Variants in KDM4C observed in about 807,000 individuals in gnomAD.
The protein encoded by KDM4C is lysine-specific demethylase 4C.
KDM4C carries 81 observed loss-of-function variants against 129.3 expected under a neutral mutation model. That is an observed-to-expected ratio of 0.63 (90% CI 0.52 to 0.75). The LOEUF (loss-of-function observed/expected upper bound fraction) is 0.75, where lower values mean the gene tolerates loss of function less well. Ranked by LOEUF, KDM4C falls within the 30% of genes least tolerant of loss-of-function variation. KDM4C has a pLI of 0.00. For synonymous variants in KDM4C, 573 were observed against 456.1 expected (o/e 1.26, Z -3.26); for missense variants, 1,457 against 1,304.0 (o/e 1.12, Z -1.81).
chr9:7,129,299 G>C (rs1840362805), intron 19 of KDM4C, among the ~76,000 whole-genome samples: 1 of 152,178 alleles, frequency 6.6e-6, no homozygotes, highest in Non-Finnish European at 1.5e-5. Context: ...GATTCAGTTA[G>C]TTTTGTTATA....
chr9:7,009,596 C>A, intron 12 of KDM4C, among the ~76,000 whole-genome samples: 1 of 152,152 alleles, frequency 6.6e-6, no homozygotes, highest in Non-Finnish European at 1.5e-5. Flanking sequence ...TGCCTTGATT[C>A]ATGCTGAGAC....
At chr9:6,920,814 A>G (rs148035851) in intron 8 of KDM4C, among the ~76,000 whole-genome samples, 3 of 152,210 alleles carry the variant, frequency 2.0e-5, no homozygotes, top group African/African-American at 7.2e-5. Flanking sequence ...AGGTAAAGGA[A>G]CTACTTCACC....
At chr9:6,817,763 CTTTTT>C (rs146833868) in intron 4 of KDM4C, among the ~76,000 whole-genome samples, 1 of 105,092 alleles carries the variant, frequency 9.5e-6, no homozygotes, top group Admixed American at 1.1e-4. Flanking sequence ...CAGGAATAAC[CTTTTT>C]TTTTTTTTTT....
chr9:7,109,156 T>C (rs1306637010), intron 18 of KDM4C, among the ~76,000 whole-genome samples: 1 of 152,214 alleles, frequency 6.6e-6, no homozygotes, highest in Non-Finnish European at 1.5e-5. Flanking sequence ...TATGCAGTGG[T>C]ATGTGTGTAG....
chr9:6,740,370 A>AT (rs1333902923), intron 1 of KDM4C, among the ~76,000 whole-genome samples: 3 of 151,264 alleles, frequency 2.0e-5, no homozygotes, highest in Non-Finnish European at 4.4e-5. Context: ...CACCTGGCTA[A>AT]TTTTTTGTAT....
At chr9:7,114,370 G>A (rs1838663663) in intron 18 of KDM4C, among the ~76,000 whole-genome samples, 1 of 152,118 alleles carries the variant, frequency 6.6e-6, no homozygotes, top group East Asian at 1.9e-4. Context: ...ATGTATATGG[G>A]TACATTGAGA....
chr9:6,901,293 T>C (rs1013642011), intron 8 of KDM4C, among the ~76,000 whole-genome samples: 2 of 152,196 alleles, frequency 1.3e-5, no homozygotes, highest in African/African-American at 4.8e-5. Context: ...TTCTCATCCA[T>C]GCAGGCTTTC....
intron 17 of KDM4C, among the ~76,000 whole-genome samples, chr9:7,086,986 A>C (rs996703581): frequency 5.3e-5 from 8 of 151,852 alleles, no homozygotes; most frequent in African/African-American, 1.7e-4. Flanking sequence ...GTGGTTGAAG[A>C]CCTCTGGCAT....
At chr9:6,916,911 G>C (rs1198312138) in intron 8 of KDM4C, among the ~76,000 whole-genome samples, 1 of 152,178 alleles carries the variant, frequency 6.6e-6, no homozygotes, top group Non-Finnish European at 1.5e-5. Flanking sequence ...TTGTAGATTA[G>C]AGTAGAAACA....
intron 20 of KDM4C, among the ~76,000 whole-genome samples, 187 bp from the exon 21 acceptor site, chr9:7,169,611 C>A (rs536410070): frequency 6.6e-6 from 1 of 152,196 alleles, no homozygotes; most frequent in East Asian, 1.9e-4. Context: ...GGATTACAGG[C>A]GTGAGCCACC....
intron 12 of KDM4C, among the ~76,000 whole-genome samples, chr9:6,998,575 C>G (rs1441163936): frequency 6.6e-6 from 1 of 152,172 alleles, no homozygotes; most frequent in East Asian, 1.9e-4. Flanking sequence ...GCAGGCGGAT[C>G]ACCTGAGGTC....
intron 17 of KDM4C, among the ~76,000 whole-genome samples, chr9:7,060,901 A>C (rs1185910853): frequency 2.0e-5 from 3 of 152,280 alleles, no homozygotes; most frequent in Non-Finnish European, 2.9e-5. Flanking sequence ...ATAATGTGAA[A>C]GACAGCTGTT....
intron 5 of KDM4C, among the ~76,000 whole-genome samples, chr9:6,874,304 T>C (rs913324147): frequency 1.3e-4 from 20 of 152,218 alleles, no homozygotes; most frequent in Admixed American, 7.2e-4. Flanking sequence ...CATAGTACTA[T>C]GTTAAACAAC....
At chr9:6,877,906 A>G (rs1192590513) in intron 5 of KDM4C, among the ~76,000 whole-genome samples, 1 of 152,242 alleles carries the variant, frequency 6.6e-6, no homozygotes, top group South Asian at 2.1e-4. Flanking sequence ...GGGCTCATTC[A>G]GGGAACTTTC....
At chr9:6,917,434 T>A (rs2131154627) in intron 8 of KDM4C, among the ~76,000 whole-genome samples, 1 of 152,340 alleles carries the variant, frequency 6.6e-6, no homozygotes, top group Middle Eastern at 3.4e-3. Flanking sequence ...GCATGATCCA[T>A]CATTGTAAAG....
intron 6 of KDM4C, among the ~76,000 whole-genome samples, chr9:6,887,577 T>C (rs1845493826): frequency 6.6e-6 from 1 of 152,232 alleles, no homozygotes; most frequent in Non-Finnish European, 1.5e-5. Context: ...TTTTTTCCCC[T>C]GTATTTTTAG....
At position 6,807,734 on chromosome 9, in the gene KDM4C, C is replaced by G. The variant is rs1267394032; in HGVS notation, c.320+1960C>G. Among the ~76,000 whole-genome samples the G allele has an allele frequency of 2.0e-5, 3 of 147,440 alleles. No homozygotes were observed. In the East Asian group the frequency reaches 6.3e-4, roughly 31 times the overall value. ...GGAGCCTCTCCGCCCGGCAGCCACCCCATCTGGGAAGTGAGGAGCGTCTCC... is the reference window on the plus strand; with the variant it reads ...GGAGCCTCTCCGCCCGGCAGCCACCGCATCTGGGAAGTGAGGAGCGTCTCC... On this transcript the variant is annotated intron_variant, in intron 3 of 21. Transcript: ENST00000381309.
intron 18 of KDM4C, 171 bp downstream of exon 18, chr9:7,104,041 T>C (rs1289905950): frequency 4.9e-6 from 3 of 617,128 alleles, no homozygotes; most frequent in Non-Finnish European, 8.4e-6. Context: ...TCCTGGTATT[T>C]GCCTAGGACC....
At chr9:6,778,728 C>T (rs780170330) in intron 1 of KDM4C, among the ~76,000 whole-genome samples, 1 of 151,780 alleles carries the variant, frequency 6.6e-6, no homozygotes, top group Non-Finnish European at 1.5e-5. Context: ...GATCATGCCA[C>T]TACACTCCAG....
Sources: allele counts gnomAD v4.1 joint callset (sites outside exome capture counted in the v4.1 genomes callset), GRCh38; gene constraint gnomAD v4.1.1; transcripts MANE v1.5; gene names NCBI Gene and HGNC (gene_info 2026-07-23, HGNC 2026-07-21).